Variants in PCSK5 observed in about 807,000 individuals in gnomAD.
PCSK5 encodes proprotein convertase subtilisin/kexin type 5.
In PCSK5, 129 loss-of-function variants were observed where a neutral mutation model predicts 233.2. The observed-to-expected ratio is 0.55, with a 90% CI of 0.48 to 0.64. The LOEUF (loss-of-function observed/expected upper bound fraction) is 0.64, where lower values mean the gene tolerates loss of function less well. Ranked by LOEUF, PCSK5 falls within the 30% of genes least tolerant of loss-of-function variation. The pLI is 0.00. For synonymous variants in PCSK5, 825 were observed against 879.2 expected (o/e 0.94, Z 1.09); for missense variants, 2,076 against 2,430.1 (o/e 0.85, Z 3.06).
intron 32 of PCSK5, among the ~76,000 whole-genome samples, chr9:76,327,081 G>A (rs376793172): frequency 9.1e-4 from 138 of 150,842 alleles, no homozygotes; most frequent in African/African-American, 3.3e-3. Context: ...AGCCTGGGCA[G>A]CAAAGTGAAG....
intron 5 of PCSK5, among the ~76,000 whole-genome samples, chr9:76,066,114 G>C (rs1432665437): frequency 6.6e-6 from 1 of 151,920 alleles, no homozygotes; most frequent in African/African-American, 2.4e-5. Context: ...TTGGCTATTT[G>C]GAATCTTTTG....
At chr9:75,919,585 G>A (rs775480598) in intron 1 of PCSK5, among the ~76,000 whole-genome samples, 8 of 152,144 alleles carry the variant, frequency 5.3e-5, no homozygotes, top group Non-Finnish European at 1.2e-4. Flanking sequence ...CACATCCTCA[G>A]CATCATTTGA....
chr9:76,236,128 C>T (rs1125312), intron 22 of PCSK5, among the ~76,000 whole-genome samples: 43,441 of 152,042 alleles, frequency 0.29, 7,177 homozygotes, highest in East Asian at 0.7. Context: ...ACCAAACTAC[C>T]CAAAGCTAAA....
At chr9:76,239,689 C>A (rs1826369346) in intron 23 of PCSK5, among the ~76,000 whole-genome samples, 2 of 124,184 alleles carry the variant, frequency 1.6e-5, no homozygotes, top group Admixed American at 1.8e-4. Context: ...GAGCAAGACT[C>A]CATCTCAAAA....
At chr9:75,960,766 G>A (rs1422854891) in intron 2 of PCSK5, among the ~76,000 whole-genome samples, 1 of 152,138 alleles carries the variant, frequency 6.6e-6, no homozygotes, top group Non-Finnish European at 1.5e-5. Flanking sequence ...TGCCTGCCAG[G>A]AGCTCAGTTC....
intron 37 of PCSK5, 43 bp downstream of exon 37, chr9:76,354,262 C>T (rs767331794): frequency 6.8e-7 from 1 of 1,467,030 alleles, no homozygotes; most frequent in Non-Finnish European, 9.2e-7. Context: ...AGGGCATGTC[C>T]TCAAGAAGCC....
At chr9:76,047,782 G>A (rs1187534199) in intron 5 of PCSK5, among the ~76,000 whole-genome samples, 1 of 152,070 alleles carries the variant, frequency 6.6e-6, no homozygotes, top group African/African-American at 2.4e-5. Context: ...CATCGCAAAT[G>A]GTGCTTTGTT....
At chr9:76,064,635 G>A (rs1830205474) in intron 5 of PCSK5, among the ~76,000 whole-genome samples, 1 of 147,522 alleles carries the variant, frequency 6.8e-6, no homozygotes, top group African/African-American at 2.5e-5. Context: ...CCAGGCGGAG[G>A]GGCTCCTCAC....
At chr9:75,948,717 A>G (rs953255308) in intron 2 of PCSK5, among the ~76,000 whole-genome samples, 3 of 152,052 alleles carry the variant, frequency 2.0e-5, no homozygotes, top group African/African-American at 7.2e-5. Context: ...CTAGTTCTAG[A>G]TCCTTGAGGA....
chr9:76,173,324 C>A (rs1463141360), intron 13 of PCSK5, among the ~76,000 whole-genome samples: 2 of 152,032 alleles, frequency 1.3e-5, no homozygotes, highest in Non-Finnish European at 2.9e-5. Flanking sequence ...TAGCCCCTGA[C>A]CTTGTCTGGA....
chr9:76,084,450 A>T (rs1402384385), intron 7 of PCSK5, among the ~76,000 whole-genome samples: 1 of 152,208 alleles, frequency 6.6e-6, no homozygotes, highest in East Asian at 1.9e-4. Context: ...AACTTCTGCA[A>T]ATCCTATTTT....
chr9:75,998,327 A>G (rs1238255126), intron 3 of PCSK5, among the ~76,000 whole-genome samples: 1 of 152,128 alleles, frequency 6.6e-6, no homozygotes, highest in Non-Finnish European at 1.5e-5. Flanking sequence ...CTTCCACTTA[A>G]CATTTGTGCA....
intron 24 of PCSK5, among the ~76,000 whole-genome samples, chr9:76,282,421 G>A (rs538637386): frequency 8.5e-5 from 12 of 141,348 alleles, no homozygotes; most frequent in Admixed American, 3.8e-4. Context: ...CGAGGCTAAC[G>A]CAATCCTCCC....
chr9:76,055,445 T>C (rs1829786096), intron 5 of PCSK5, among the ~76,000 whole-genome samples: 1 of 152,160 alleles, frequency 6.6e-6, no homozygotes, highest in Non-Finnish European at 1.5e-5. Flanking sequence ...TTGGTAAGCT[T>C]TTCATTGACA....
intron 13 of PCSK5, among the ~76,000 whole-genome samples, chr9:76,173,797 A>G (rs1393376826): frequency 6.6e-6 from 1 of 151,550 alleles, no homozygotes; most frequent in Non-Finnish European, 1.5e-5. Flanking sequence ...ACATGGTGAA[A>G]CCCTGTCTCT....
chr9:76,156,932 T>G, intron 10 of PCSK5, 113 bp from the exon 11 acceptor site: 1 of 716,488 alleles, frequency 1.4e-6, no homozygotes, highest in Middle Eastern at 2.5e-4. Flanking sequence ...CTCAAATCAT[T>G]GCTGGAAAGA....
intron 5 of PCSK5, among the ~76,000 whole-genome samples, chr9:76,032,736 C>G (rs1270076734): frequency 1.3e-5 from 2 of 152,152 alleles, no homozygotes; most frequent in Non-Finnish European, 2.9e-5. Flanking sequence ...ATGAAACAGT[C>G]TGCTAGCATT....
chr9:76,101,093 T>C (rs1488687410), intron 8 of PCSK5, among the ~76,000 whole-genome samples: 1 of 152,220 alleles, frequency 6.6e-6, no homozygotes, highest in Non-Finnish European at 1.5e-5. Flanking sequence ...CACTTATAGC[T>C]ACTTCACCTG....
rs770674683 is a variant in PCSK5, at chr9:76,227,553, G to A, written c.2677G>A (p.Ala893Thr). ...CTGCCAGACCTGTGAGGCCTCATGT[G>A]CCAAGTGCCAGGGACCAACCCAGGA... ...GHCQTCEASC[A>T]KCQGPTQEDC... Residue 893 changes from alanine to threonine, a missense_variant, in exon 21 of 38, where the codon GCC (alanine) becomes ACC (threonine). Ala to Thr is a moderately conservative substitution (Grantham distance 58). This residue lies in a region of PCSK5 where 1,510 missense variants were observed against 1,538.1 expected (regional missense o/e 0.98). Transcript: ENST00000674117. 6 of 1,612,166 alleles carry A rather than the reference G, an allele frequency of 3.7e-6. No homozygotes were observed. In the Admixed American group the frequency reaches 1.0e-4, roughly 27 times the overall value.
Sources: allele counts gnomAD v4.1 joint callset (sites outside exome capture counted in the v4.1 genomes callset), GRCh38; gene constraint gnomAD v4.1.1; regional missense constraint gnomAD v4.1.1; transcripts MANE v1.5; gene names NCBI Gene and HGNC (gene_info 2026-07-23, HGNC 2026-07-21).